Variants in ARHGAP12 observed in about 807,000 individuals in gnomAD.
ARHGAP12 encodes Rho GTPase activating protein 12.
A neutral mutation model predicts 108.6 loss-of-function variants in ARHGAP12; 64 were observed. The ratio of observed to expected loss-of-function variants is 0.59; its 90% confidence interval spans 0.48 to 0.73. ARHGAP12 has a LOEUF of 0.73. Among genes scored for constraint, ARHGAP12 ranks in the 30% least tolerant of loss-of-function variants. ARHGAP12 has a pLI of 0.00. For synonymous variants in ARHGAP12, 312 were observed against 337.2 expected (o/e 0.93, Z 0.82); for missense variants, 940 against 1,005.9 (o/e 0.93, Z 0.89).
At chr10:31,811,185 T>TC (rs1477153645) in intron 15 of ARHGAP12, among the ~76,000 whole-genome samples, 2 of 152,190 alleles carry the variant, frequency 1.3e-5, no homozygotes, top group Non-Finnish European at 2.9e-5. Flanking sequence ...TACTTGAGTA[T>TC]AAGTTTCATG....
intron 11 of ARHGAP12, among the ~76,000 whole-genome samples, chr10:31,822,009 T>C (rs965374532): frequency 1.3e-5 from 2 of 151,762 alleles, no homozygotes; most frequent in Non-Finnish European, 2.9e-5. Context: ...AGCTCTAAGC[T>C]AAGATACAAA....
At chr10:31,823,783 G>A (rs1419847080) in intron 11 of ARHGAP12, among the ~76,000 whole-genome samples, 1 of 152,202 alleles carries the variant, frequency 6.6e-6, no homozygotes, top group Non-Finnish European at 1.5e-5. Flanking sequence ...ATCAGCTTCT[G>A]TATAGCATCT....
At chr10:31,846,899 ATTTTTTTTTTTTT>A (rs377177944) in intron 6 of ARHGAP12, among the ~76,000 whole-genome samples, 1 of 84,628 alleles carries the variant, frequency 1.2e-5, no homozygotes. Flanking sequence ...GGCACTGTTC[ATTTTTTTTTTTTT>A]TTTTTTTTTT....
At chr10:31,860,818 C>T (rs543115420) in intron 4 of ARHGAP12, among the ~76,000 whole-genome samples, 28 of 152,266 alleles carry the variant, frequency 1.8e-4, no homozygotes, top group African/African-American at 4.8e-4. Flanking sequence ...CAGTAGCTCA[C>T]GCCTGTAATC....
intron 16 of ARHGAP12, among the ~76,000 whole-genome samples, chr10:31,809,962 ATAGTG>A (rs1834954701): frequency 6.6e-6 from 1 of 152,182 alleles, no homozygotes; most frequent in Non-Finnish European, 1.5e-5. Flanking sequence ...AATTAAGACA[ATAGTG>A]TAGTATCCCT....
chr10:31,820,484 C>A lies in ARHGAP12; in HGVS notation c.1535G>T (p.Gly512Val). The change falls in exon 12 of 20, where the codon GGC (glycine) becomes GTC (valine). Residue 512 changes from glycine (G) to valine (V), a missense_variant. By Grantham distance (109) the Gly-to-Val change is moderately radical. Transcript: ENST00000344936. ...GAACTCTGGTTTGGACTGATTACTGCCAAACTTCATTTTTGAAAAAGAAAA... is the reference window on the plus strand; with the variant it reads ...GAACTCTGGTTTGGACTGATTACTGACAAACTTCATTTTTGAAAAAGAAAA... ...KTQGSSTSWF[G>V]SNQSKPEFTV... 6.3e-7 allele frequency: 1 copy of A among 1,576,276 alleles called. No homozygotes were observed. Among genetic ancestry groups the A allele is most frequent in the Non-Finnish European group, 8.6e-7 (1 of 1,165,088 alleles).
At chr10:31,852,794 C>G (rs1836742269) in intron 5 of ARHGAP12, among the ~76,000 whole-genome samples, 197 bp from the exon 6 acceptor site, 1 of 148,450 alleles carries the variant, frequency 6.7e-6, no homozygotes, top group Admixed American at 6.7e-5. Context: ...CTCGGCTCAC[C>G]ACAACCTCCA....
At chr10:31,811,925 G>A (rs1835038204) in intron 15 of ARHGAP12, among the ~76,000 whole-genome samples, 1 of 152,056 alleles carries the variant, frequency 6.6e-6, no homozygotes. Context: ...AAAGTGGGGG[G>A]TTTACAGATG....
chr10:31,805,603 T>C lies in ARHGAP12; in HGVS notation c.*2055A>G, dbSNP rs555493597. 2 of 151,152 alleles carry C rather than the reference T, an allele frequency of 1.3e-5. No individual in the cohort carries two copies. Among genetic ancestry groups the C allele is most frequent in the East Asian group, 3.9e-4 (2 of 5,126 alleles). The allele number at this position is 151,152 out of a possible 1,614,324, so 9.4% of individuals were successfully genotyped here. A position where few individuals can be genotyped will look rare whatever the true frequency, so the allele number is the denominator to read the frequency against. On this transcript the variant is annotated 3_prime_UTR_variant, in exon 20 of 20. Transcript: ENST00000344936. Reference sequence around the variant, plus strand: ...CATTAATCTCACTGTACATACAATATTACAATAAACTGATTAGCTGTAGAC... The same window carrying C: ...CATTAATCTCACTGTACATACAATACTACAATAAACTGATTAGCTGTAGAC...
chr10:31,874,973 CAAAAAAAAA>C (rs59050160), intron 3 of ARHGAP12, among the ~76,000 whole-genome samples: 28 of 58,328 alleles, frequency 4.8e-4, no homozygotes, highest in African/African-American at 1.1e-3. Flanking sequence ...GACTCTGTCT[CAAAAAAAAA>C]AAAAAAAAAA....
Position 31,908,753 on chromosome 10 carries a change from T to G in ARHGAP12, c.103A>C (p.Lys35Gln), listed in dbSNP as rs1269525720. The G allele has an allele frequency of 1.2e-6, 2 of 1,614,000 alleles. No homozygotes were observed. The highest frequency in any genetic ancestry group is 1.7e-6 in the Non-Finnish European group (2 of 1,180,028). The change falls in exon 3 of 20, where the codon AAA becomes CAA. Residue 35 changes from lysine to glutamine, a missense_variant. Coordinates refer to ENST00000344936, the MANE Select transcript of ARHGAP12 (RefSeq NM_018287.7). ...YEAKDRKIVI[K>Q]QGERYILVKK... ...ACCAAGATGTACCTCTCCCCTTGTT[T>G]TATCACAATCTTTCTGTCCTTTGCT...
intron 3 of ARHGAP12, among the ~76,000 whole-genome samples, chr10:31,883,405 T>C (rs1250334274): frequency 6.6e-6 from 1 of 152,212 alleles, no homozygotes; most frequent in South Asian, 2.1e-4. Context: ...TGAGAAATGG[T>C]GTCAATTCAT....
chr10:31,899,288 T>C (rs1328259574), intron 3 of ARHGAP12, among the ~76,000 whole-genome samples: 4 of 152,250 alleles, frequency 2.6e-5, no homozygotes, highest in Non-Finnish European at 5.9e-5. Flanking sequence ...TACAAGACTA[T>C]AGTGTTAAGA....
chr10:31,862,524 T>C (rs1327008300), intron 3 of ARHGAP12, among the ~76,000 whole-genome samples: 1 of 152,192 alleles, frequency 6.6e-6, no homozygotes, highest in Non-Finnish European at 1.5e-5. Context: ...AACACCTGCT[T>C]ATGTTATGTA....
At chr10:31,874,095 C>T (rs1837637501) in intron 3 of ARHGAP12, among the ~76,000 whole-genome samples, 1 of 152,186 alleles carries the variant, frequency 6.6e-6, no homozygotes, top group African/African-American at 2.4e-5. Flanking sequence ...TATCTGTGAT[C>T]ACTTGTTGAA....
intron 11 of ARHGAP12, among the ~76,000 whole-genome samples, chr10:31,822,879 C>T (rs1273375556): frequency 1.3e-5 from 2 of 152,016 alleles, no homozygotes; most frequent in Non-Finnish European, 2.9e-5. Flanking sequence ...CAACTAGAGG[C>T]GGAGTGCCAG....
chr10:31,832,446 C>T (rs1007231486), intron 9 of ARHGAP12, among the ~76,000 whole-genome samples: 1 of 152,138 alleles, frequency 6.6e-6, no homozygotes, highest in African/African-American at 2.4e-5. Context: ...ATCATCAAAC[C>T]CTATGAAGGC....
chr10:31,928,530 C>T (rs1322456522), intron 1 of ARHGAP12, among the ~76,000 whole-genome samples, 153 bp downstream of exon 1: 1 of 150,668 alleles, frequency 6.6e-6, no homozygotes, highest in Non-Finnish European at 1.5e-5. Context: ...GCGCGCACCT[C>T]CGCGGCGCCG....
intron 15 of ARHGAP12, among the ~76,000 whole-genome samples, chr10:31,812,014 A>T (rs961697833): frequency 1.6e-4 from 24 of 152,152 alleles, no homozygotes; most frequent in African/African-American, 4.6e-4. Flanking sequence ...TCACAAATAG[A>T]TGGTCTTTGT....
Sources: gnomAD v4.1 joint callset for allele counts (sites outside exome capture counted in the v4.1 genomes callset) on GRCh38, gnomAD v4.1.1 for gene constraint, MANE v1.5 for transcripts, NCBI Gene and HGNC (gene_info 2026-07-23, HGNC 2026-07-21) for gene names.